The following ZWINT variants were observed in gnomAD, a reference collection of about 807,000 sequenced individuals.
The protein encoded by ZWINT is outer kinetochore KNL1 complex subunit ZWINT.
In ZWINT, 41 loss-of-function variants were observed where a neutral mutation model predicts 41.5. The observed-to-expected ratio is 0.99, with a 90% CI of 0.77 to 1.28. ZWINT has a LOEUF of 1.28. Ranked by LOEUF, ZWINT falls within the 50% of genes most tolerant of loss-of-function variation. ZWINT has a pLI of 0.00. For missense variants in ZWINT, 369 were observed against 329.7 expected (o/e 1.12, Z -0.92); for synonymous variants, 132 against 126.8 (o/e 1.04, Z -0.28).
chr10:56,358,527 C>T (rs1321641102), intron 7 of ZWINT, 29 bp downstream of exon 7: 4 of 1,613,986 alleles, frequency 2.5e-6, no homozygotes, highest in Non-Finnish European at 3.4e-6. Flanking sequence ...CCTGCCAGCC[C>T]ATGCCCACCT....
At position 56,360,095 on chromosome 10, in the gene ZWINT, G is replaced by A. The variant is rs565861259; in HGVS notation, c.179C>T (p.Ala60Val). The part of the protein sequence containing the change: ...DKLLCSQLQV[A>V]DFLQNILAQE... ...AGCCAGGATGTTCTGCAGGAAATCC[G>A]CTACCTGAAGCTGGCTGCAGAGCAG... The change falls in exon 3 of 9, where the codon GCG (alanine) becomes GTG (valine). Residue 60 changes from alanine to valine, a missense_variant. Transcript: ENST00000373944. 64 of 1,614,080 alleles carry A rather than the reference G, an allele frequency of 4.0e-5. No homozygotes were observed. The East Asian group carries it at 9.8e-4, about 25-fold the overall frequency.
chr10:56,360,380 G>T lies in ZWINT; in HGVS notation c.45C>A (p.Val15=). The change falls in exon 2 of 9, where the codon GTC becomes GTA. Residue 15 remains valine (V), a synonymous_variant. Coordinates refer to ENST00000373944, the MANE Select transcript of ZWINT (RefSeq NM_007057.4). Reference sequence around the variant, plus strand: ...CCAAGATGCCTGCCACCTCAGCCAGGACCCTGGAGGGGCAAGGAAACACAG... The same window carrying T: ...CCAAGATGCCTGCCACCTCAGCCAGTACCCTGGAGGGGCAAGGAAACACAG... The part of the protein sequence containing the change: ...ETEAEAAALE[V]LAEVAGILEP... 10 of 1,613,936 alleles carry T rather than the reference G, an allele frequency of 6.2e-6. No homozygotes were observed. Among genetic ancestry groups the T allele is most frequent in the Non-Finnish European group, 8.5e-6 (10 of 1,179,926 alleles).
chr10:56,358,301 C>G, intron 8 of ZWINT, 76 bp downstream of exon 8: 4 of 1,209,056 alleles, frequency 3.3e-6, no homozygotes, highest in Non-Finnish European at 4.9e-6. Flanking sequence ...AGCTCAGATG[C>G]AGAGAGAGGT....
Position 56,361,258 on chromosome 10 carries a change from C to G in ZWINT, c.-22G>C. 1 of 1,608,356 alleles carries G rather than the reference C, an allele frequency of 6.2e-7. No homozygotes were observed. Among genetic ancestry groups the G allele is most frequent in the Non-Finnish European group, 8.5e-7 (1 of 1,177,748 alleles). ...CCATCTTTCCAGGCGCCGAGTTCAG[C>G]TGCCTTCCCACAATCCCTAAGATTA... On this transcript the variant is annotated 5_prime_UTR_variant, in exon 1 of 9. Coordinates refer to ENST00000373944, the MANE Select transcript of ZWINT (RefSeq NM_007057.4).
At position 56,359,841 on chromosome 10, in the gene ZWINT, A is replaced by G. The variant is rs1214166776; in HGVS notation, c.269T>C (p.Ile90Thr). Residue 90 changes from isoleucine (I) to threonine (T), a missense_variant, in exon 4 of 9, where the codon ATT becomes ACT. By Grantham distance (89) the Ile-to-Thr change is moderately conservative. Transcript: ENST00000373944. Reference protein sequence around the residue: ...ASEDTSRQKAIAAKEQWKELK... With the variant: ...ASEDTSRQKATAAKEQWKELK... ...CTCTTTCCATTGTTCCTTAGCTGCA[A>G]TTGCCTTCTGTCCTGAGATGAGCCA... The G allele has an allele frequency of 1.2e-6, 2 of 1,613,886 alleles. No homozygotes were observed. Among genetic ancestry groups the G allele is most frequent in the Admixed American group, 1.7e-5 (1 of 59,998 alleles).
chr10:56,358,611 G>T lies in ZWINT; in HGVS notation c.737C>A (p.Pro246His). ...GGTGTCTCCTGTACTCTGCTCCTGG[G>T]GTCGAGTCGGCTGCTGGGGTTTATC... is the stretch of plus-strand genomic sequence containing the variant. ...PDDKPQQPTR[P>H]QEQSTGDTMG... The change falls in exon 7 of 9, where the codon CCC becomes CAC. Residue 246 changes from proline to histidine, a missense_variant. Pro to His is a moderately conservative substitution (Grantham distance 77, BLOSUM62 -2). Coordinates refer to ENST00000373944, the MANE Select transcript of ZWINT (RefSeq NM_007057.4). The T allele has an allele frequency of 6.2e-7, 1 of 1,614,084 alleles. No homozygotes were observed. The highest frequency in any genetic ancestry group is 8.5e-7 in the Non-Finnish European group (1 of 1,180,020).
Position 56,360,096 on chromosome 10 carries a change from C to A in ZWINT, c.178G>T (p.Ala60Ser). 1 of 1,614,154 alleles carries A rather than the reference C, an allele frequency of 6.2e-7. No individual in the cohort carries two copies. Among genetic ancestry groups the A allele is most frequent in the South Asian group, 1.1e-5 (1 of 91,088 alleles). The change falls in exon 3 of 9, where the codon GCG becomes TCG. Residue 60 changes from alanine to serine, a missense_variant. By Grantham distance (99) the Ala-to-Ser change is moderately conservative. Transcript: ENST00000373944. ...DKLLCSQLQV[A>S]DFLQNILAQE... ...GCCAGGATGTTCTGCAGGAAATCCG[C>A]TACCTGAAGCTGGCTGCAGAGCAGC...
At chr10:56,360,497 G>C (rs1564452722) in intron 1 of ZWINT, 114 bp from the exon 2 acceptor site, 1 of 885,312 alleles carries the variant, frequency 1.1e-6, no homozygotes, top group East Asian at 2.7e-5. Flanking sequence ...AGTATTGAGA[G>C]TCTTGCCTTG....
rs1030532643 is a variant in ZWINT at position 56,357,792 on chromosome 10, C to A, written c.*435G>T. 5 of 338,370 alleles carry A rather than the reference C, an allele frequency of 1.5e-5. No homozygotes were observed. The highest frequency in any genetic ancestry group is 6.5e-5 in the African/African-American group (3 of 46,228). 21.0% of individuals were successfully genotyped at this position (338,370 alleles called of 1,614,324 possible). On this transcript the variant is annotated 3_prime_UTR_variant, in exon 9 of 9. Coordinates refer to ENST00000373944, the MANE Select transcript of ZWINT (RefSeq NM_007057.4). ...TTATAATTCTGGTTCACCGCAAGAA[C>A]CTTAGCACAAAGAAAGGACTCAACA...
At chr10:56,361,156 C>G in intron 1 of ZWINT, 40 bp downstream of exon 1, 1 of 1,611,606 alleles carries the variant, frequency 6.2e-7, no homozygotes, top group African/African-American at 1.3e-5. Context: ...AAGGTCCTCC[C>G]AGGCCCGGCC....
chr10:56,359,970 TC>T, intron 3 of ZWINT, 47 bp downstream of exon 3: 2 of 1,609,006 alleles, frequency 1.2e-6, no homozygotes. Context: ...AAATCCTCCT[TC>T]CTTCCCCACT....
chr10:56,357,929 C>T lies in ZWINT; in HGVS notation c.*298G>A, dbSNP rs1838208216. On this transcript the variant is annotated 3_prime_UTR_variant, in exon 9 of 9. Transcript: ENST00000373944. ...TGTCTGCATCATAGGAGGCCCAAGGCCAGTACCCCCTCCCCATCTGCACAC... is the reference window on the plus strand; with the variant it reads ...TGTCTGCATCATAGGAGGCCCAAGGTCAGTACCCCCTCCCCATCTGCACAC... 1 of 400,378 alleles carries T rather than the reference C, an allele frequency of 2.5e-6. No homozygotes were observed. Among genetic ancestry groups the T allele is most frequent in the Non-Finnish European group, 5.0e-6 (1 of 199,834 alleles). The allele number at this position is 400,378 out of a possible 1,614,324, so 24.8% of individuals were successfully genotyped here.
rs997676564 is a variant in ZWINT at position 56,357,489 on chromosome 10, C to T, written c.*738G>A. ...GAGAAAACAAATAAAGATCCAAATA[C>T]GTGAGTTGATCATCTGATAAAAGTA... On this transcript the variant is annotated 3_prime_UTR_variant, in exon 9 of 9. Coordinates refer to ENST00000373944, the MANE Select transcript of ZWINT (RefSeq NM_007057.4). 2.6e-5 allele frequency: 4 copies of T among 152,278 alleles called. No homozygotes were observed. The highest frequency in any genetic ancestry group is 4.4e-5 in the Non-Finnish European group (3 of 68,166). 9.4% of individuals were successfully genotyped at this position (152,278 alleles called of 1,614,324 possible). A position where few individuals can be genotyped will look rare whatever the true frequency, so the allele number is the denominator to read the frequency against.
In ZWINT at chr10:56,360,277, C is replaced by G; in HGVS notation, c.132+16G>C. On this transcript the variant is annotated intron_variant, in intron 2 of 8. Coordinates refer to ENST00000373944, the MANE Select transcript of ZWINT (RefSeq NM_007057.4). ...GACCCTGGCTTCTGAAAGGCTCGCT[C>G]TCATCTTGTACATACCACCACAAAC... The G allele has an allele frequency of 1.2e-6, 2 of 1,613,954 alleles. No homozygotes were observed. The highest frequency in any genetic ancestry group is 1.7e-6 in the Non-Finnish European group (2 of 1,179,926).
chr10:56,359,050 G>A, intron 5 of ZWINT, 103 bp from the exon 6 acceptor site: 1 of 1,387,874 alleles, frequency 7.2e-7, no homozygotes, highest in Non-Finnish European at 9.8e-7. Context: ...CAGGCTCAAT[G>A]ATGAAAAGAG....
In ZWINT at chr10:56,361,240, TCCAGGCG is replaced by T; in HGVS notation, c.-11_-5del. The T allele has an allele frequency of 6.2e-7, 1 of 1,611,914 alleles. No homozygotes were observed. The highest frequency in any genetic ancestry group is 8.5e-7 in the Non-Finnish European group (1 of 1,179,722). ...CCTCTGTCTCCGCTGCCTCCATCTT[TCCAGGCG>T]CCGAGTTCAGCTGCCTTCCCACAAT... On this transcript the variant is annotated 5_prime_UTR_variant, in exon 1 of 9. Coordinates refer to ENST00000373944, the MANE Select transcript of ZWINT (RefSeq NM_007057.4).
Position 56,358,833 on chromosome 10 carries a change from C to T in ZWINT, c.595G>A (p.Ala199Thr). 3 of 1,614,068 alleles carry T rather than the reference C, an allele frequency of 1.9e-6. No homozygotes were observed. Among genetic ancestry groups the T allele is most frequent in the Non-Finnish European group, 2.5e-6 (3 of 1,180,022 alleles). Residue 199 changes from alanine to threonine, a missense_variant, in exon 6 of 9, where the codon GCA (alanine) becomes ACA (threonine). Coordinates refer to ENST00000373944, the MANE Select transcript of ZWINT (RefSeq NM_007057.4). ...TGCAGCTTGTCCCGCTCCTGTTCTG[C>T]CTGCTGCTTCAGGTTTCCAAGTTTC... ...FQKLGNLKQQ[A>T]EQERDKLQRY...
chr10:56,358,697 A>C lies in ZWINT; in HGVS notation c.651T>G (p.Tyr217Ter), dbSNP rs769677763. The change falls in exon 7 of 9, where the codon TAT (tyrosine) becomes TAG (stop). Residue 217 changes from tyrosine (Y) to a stop codon, truncating the protein, a stop_gained. Transcript: ENST00000373944. LOFTEE classifies it high-confidence loss of function. ...GGAACAACAGCTTACCCTGCAGGGT[A>C]TACAGAAGCTGGAGGAAGGTCTGAT... ...QRYQTFLQLL[Y>*]TLQGKLLFPE... The C allele has an allele frequency of 6.2e-7, 1 of 1,614,174 alleles. No homozygotes were observed. Among genetic ancestry groups the C allele is most frequent in the South Asian group, 1.1e-5 (1 of 91,086 alleles).
At position 56,360,052 on chromosome 10, in the gene ZWINT, C is replaced by G. The variant is rs372154961; in HGVS notation, c.222G>C (p.Lys74Asn). The G allele has an allele frequency of 6.4e-5, 103 of 1,613,994 alleles. No homozygotes were observed. Among genetic ancestry groups the G allele is most frequent in the Non-Finnish European group, 8.6e-5 (102 of 1,180,034 alleles). The change falls in exon 3 of 9, where the codon AAG (lysine) becomes AAC (asparagine). Residue 74 changes from lysine to asparagine, a missense_variant. Coordinates refer to ENST00000373944, the MANE Select transcript of ZWINT (RefSeq NM_007057.4). Reference protein sequence around the residue: ...QNILAQEDTAKGLDPLASEDT... With the variant: ...QNILAQEDTANGLDPLASEDT... ...CTTCAGAAGCCAAGGGGTCGAGACC[C>G]TTAGCAGTGTCCTCCTGAGCCAGGA...
Sources: gnomAD v4.1 joint callset for allele counts on GRCh38, gnomAD v4.1.1 for gene constraint, MANE v1.5 for transcripts, NCBI Gene and HGNC (gene_info 2026-07-23, HGNC 2026-07-21) for gene names.